The following GALNT5 variants were observed in gnomAD, a reference collection of about 807,000 sequenced individuals.
The protein encoded by GALNT5 is UDP-GalNAc:polypeptide N-acetylgalactosaminyltransferase 5.
Under a neutral mutation model 85.4 loss-of-function variants are expected in GALNT5, and 72 were observed. The observed-to-expected ratio is 0.84, with a 90% CI of 0.70 to 1.03. The LOEUF (loss-of-function observed/expected upper bound fraction) is 1.03, where lower values mean the gene tolerates loss of function less well. GALNT5 is among the 50% of genes least tolerant of loss of function. GALNT5 has a pLI of 0.00. For missense variants in GALNT5, 1,137 were observed against 1,135.5 expected, an observed-to-expected ratio of 1.00 and a Z score of -0.02; for synonymous variants, 404 against 397.0, an observed-to-expected ratio of 1.02 and a Z score of -0.21.
Position 157,284,309 on chromosome 2 carries a change from C to A in GALNT5, c.1482C>A (p.Asn494Lys), listed in dbSNP as rs768002617. 1.2e-6 allele frequency: 2 copies of A among 1,613,996 alleles called. No homozygotes were observed. The highest frequency in any genetic ancestry group is 3.3e-5 in the Admixed American group (2 of 60,020). ...GTGCAGAGCAGCTAGTTCACAATAA[C>A]CTCCCAACCACCAGTGTCATCATGT... is the stretch of plus-strand genomic sequence containing the variant. ...AGCAEQLVHN[N>K]LPTTSVIMCF... The change falls in exon 2 of 10, where the codon AAC becomes AAA. Residue 494 changes from asparagine to lysine, a missense_variant. Coordinates refer to ENST00000259056, the MANE Select transcript of GALNT5 (RefSeq NM_014568.3).
intron 8 of GALNT5, among the ~76,000 whole-genome samples, chr2:157,307,414 C>G (rs1401096443): frequency 6.6e-6 from 1 of 152,176 alleles, no homozygotes; most frequent in Non-Finnish European, 1.5e-5. Context: ...TAGTTATTAA[C>G]CTTTAAAGCA....
At chr2:157,298,345 C>T (rs985223406) in intron 5 of GALNT5, among the ~76,000 whole-genome samples, 2 of 152,132 alleles carry the variant, frequency 1.3e-5, no homozygotes, top group Non-Finnish European at 2.9e-5. Flanking sequence ...TTCCCCACAC[C>T]CGAGTAACAA....
chr2:157,281,545 A>G (rs1373692439), intron 1 of GALNT5, among the ~76,000 whole-genome samples: 2 of 152,188 alleles, frequency 1.3e-5, no homozygotes, highest in African/African-American at 2.4e-5. Flanking sequence ...CACAGTAGAG[A>G]AAGCTCCTAT....
In GALNT5 at chr2:157,300,784, G is replaced by A; in HGVS notation, c.2224G>A (p.Glu742Lys). Reference sequence around the variant, plus strand: ...CCCCAAAGACCGGATGAAGACAGTGGAGCGGAACTTGGTGCGGGTTGCCGA... The same window carrying A: ...CCCCAAAGACCGGATGAAGACAGTGAAGCGGAACTTGGTGCGGGTTGCCGA... ...SFPKDRMKTVERNLVRVAEVW... is the reference protein window; with the variant it reads ...SFPKDRMKTVKRNLVRVAEVW... Residue 742 changes from glutamate (E) to lysine (K), a missense_variant, in exon 7 of 10, where the codon GAG (glutamate) becomes AAG (lysine). Transcript: ENST00000259056. 1 of 1,614,088 alleles carries A rather than the reference G, an allele frequency of 6.2e-7. No homozygotes were observed. Among genetic ancestry groups the A allele is most frequent in the Non-Finnish European group, 8.5e-7 (1 of 1,179,978 alleles).
At chr2:157,298,942 C>T (rs1303408609) in intron 5 of GALNT5, 1 of 698 alleles carries the variant, frequency 1.4e-3, no homozygotes, top group Non-Finnish European at 3.9e-3. Context: ...TGACGGAAGA[C>T]CGGAAGACCG....
rs1300509008 is a variant in GALNT5, at chr2:157,295,693, T to G, written c.1772T>G (p.Val591Gly). ...GTGTTGACATTTTTAGATTCTCATG[T>G]GGAATGTAACGTTGGTTGGTTGGAA... Reference protein sequence around the residue: ...GDVLTFLDSHVECNVGWLEPL... With the variant: ...GDVLTFLDSHGECNVGWLEPL... The change falls in exon 4 of 10, where the codon GTG becomes GGG. Residue 591 changes from valine to glycine, a missense_variant. Val to Gly is a moderately radical substitution (Grantham distance 109). Coordinates refer to ENST00000259056, the MANE Select transcript of GALNT5 (RefSeq NM_014568.3). 6.2e-7 allele frequency: 1 copy of G among 1,613,120 alleles called. No homozygotes were observed. The highest frequency in any genetic ancestry group is 1.1e-5 in the South Asian group (1 of 90,976).
rs544602915 is a variant in GALNT5, at chr2:157,315,035, G to C, written c.*3687G>C. On this transcript the variant is annotated 3_prime_UTR_variant, in exon 10 of 10. Transcript: ENST00000259056. ...GGAGGTTGCAGTGAGCTGAAATTGCGCCACTGCACTCCAGCCTAGACAACA... is the reference window on the plus strand; with the variant it reads ...GGAGGTTGCAGTGAGCTGAAATTGCCCCACTGCACTCCAGCCTAGACAACA... 1.3e-5 allele frequency among the ~76,000 whole-genome samples: 2 copies of C among 151,952 alleles called. No homozygotes were observed. Among genetic ancestry groups the C allele is most frequent in the Admixed American group, 1.3e-4 (2 of 15,258 alleles).
At position 157,313,418 on chromosome 2, in the gene GALNT5, G is replaced by C. The variant is rs1231251944; in HGVS notation, c.*2070G>C. ...AAATTGCCTAATGACACATTTCTCA[G>C]AATGTATTTGTGTTATTAAATGATG... On this transcript the variant is annotated 3_prime_UTR_variant, in exon 10 of 10. Coordinates refer to ENST00000259056, the MANE Select transcript of GALNT5 (RefSeq NM_014568.3). 1.3e-5 allele frequency: 2 copies of C among 152,148 alleles called. No individual in the cohort carries two copies. Among genetic ancestry groups the C allele is most frequent in the African/African-American group, 2.4e-5 (1 of 41,432 alleles). 9.4% of individuals were successfully genotyped at this position (152,148 alleles called of 1,614,324 possible). A position where few individuals can be genotyped will look rare whatever the true frequency, so the allele number is the denominator to read the frequency against.
intron 1 of GALNT5, among the ~76,000 whole-genome samples, chr2:157,281,703 A>G (rs1682858078): frequency 6.6e-6 from 1 of 152,234 alleles, no homozygotes. Context: ...TGAGCATTGT[A>G]AGTACTTCTG....
chr2:157,277,410 G>A (rs1347912014), intron 1 of GALNT5, among the ~76,000 whole-genome samples: 1 of 152,130 alleles, frequency 6.6e-6, no homozygotes, highest in African/African-American at 2.4e-5. Context: ...GTCTAATATT[G>A]ACAGTGGGGC....
chr2:157,304,213 C>A (rs1305670799), intron 7 of GALNT5, among the ~76,000 whole-genome samples: 1 of 152,146 alleles, frequency 6.6e-6, no homozygotes, highest in South Asian at 2.1e-4. Context: ...ACTGTGGGGG[C>A]ATTGAATCCT....
In GALNT5 at chr2:157,284,306, T is replaced by C. The variant is rs760026471; in HGVS notation, c.1479T>C (p.Asn493=). 5 of 1,613,968 alleles carry C rather than the reference T, an allele frequency of 3.1e-6. No homozygotes were observed. The highest frequency in any genetic ancestry group is 1.7e-4 in the Middle Eastern group (1 of 6,052). The part of the protein sequence containing the change: ...PAGCAEQLVH[N]NLPTTSVIMC... ...GATGTGCAGAGCAGCTAGTTCACAA[T>C]AACCTCCCAACCACCAGTGTCATCA... The change falls in exon 2 of 10, where the codon AAT becomes AAC. Residue 493 remains asparagine, a synonymous_variant. Coordinates refer to ENST00000259056, the MANE Select transcript of GALNT5 (RefSeq NM_014568.3).
At chr2:157,265,121 G>C (rs1193671945) in intron 1 of GALNT5, among the ~76,000 whole-genome samples, 1 of 152,148 alleles carries the variant, frequency 6.6e-6, no homozygotes, top group Non-Finnish European at 1.5e-5. Context: ...GTGTTCATTT[G>C]TGTGTGCACG....
At chr2:157,293,918 CTGTT>C (rs1300787476) in intron 3 of GALNT5, among the ~76,000 whole-genome samples, 1 of 152,186 alleles carries the variant, frequency 6.6e-6, no homozygotes, top group Non-Finnish European at 1.5e-5. Flanking sequence ...TATCACATTG[CTGTT>C]TGTTAGCTGT....
At chr2:157,287,233 A>C (rs1054371684) in intron 3 of GALNT5, among the ~76,000 whole-genome samples, 1 of 152,172 alleles carries the variant, frequency 6.6e-6, no homozygotes, top group African/African-American at 2.4e-5. Context: ...TGTTTTTCTT[A>C]CAATGTTTTA....
intron 1 of GALNT5, among the ~76,000 whole-genome samples, chr2:157,261,493 G>T (rs1451724173): frequency 3.9e-5 from 6 of 152,208 alleles, no homozygotes; most frequent in Admixed American, 3.9e-4. Context: ...TTGAGAGGAT[G>T]AGTCAGAGAG....
At chr2:157,287,952 G>A (rs1343424115) in intron 3 of GALNT5, among the ~76,000 whole-genome samples, 1 of 152,130 alleles carries the variant, frequency 6.6e-6, no homozygotes, top group East Asian at 1.9e-4. Context: ...AGAATATAGA[G>A]GCACAGTGAG....
chr2:157,269,711 T>G (rs925563961), intron 1 of GALNT5, among the ~76,000 whole-genome samples: 1 of 152,118 alleles, frequency 6.6e-6, no homozygotes, highest in African/African-American at 2.4e-5. Context: ...ACCTCCAATT[T>G]TAGACTGTCT....
chr2:157,258,298 A>C lies in GALNT5; in HGVS notation c.216A>C (p.Lys72Asn). 6 of 1,598,806 alleles carry C rather than the reference A, an allele frequency of 3.8e-6. No individual in the cohort carries two copies. Among genetic ancestry groups the C allele is most frequent in the Non-Finnish European group, 5.1e-6 (6 of 1,174,188 alleles). The change falls in exon 1 of 10, where the codon AAA (lysine) becomes AAC (asparagine). Residue 72 changes from lysine (K) to asparagine (N), a missense_variant. Transcript: ENST00000259056. The stretch of plus-strand genomic sequence containing the variant: ...GAAAAATTTTTTACAGCAGCATAAA[A>C]GAGATGAAACCTCCCCTAAGGGGAC... The part of the protein sequence containing the change: ...DQGKIFYSSI[K>N]EMKPPLRGHG...
Sources: gnomAD v4.1 joint callset for allele counts (sites outside exome capture counted in the v4.1 genomes callset) on GRCh38, gnomAD v4.1.1 for gene constraint, MANE v1.5 for transcripts, NCBI Gene and HGNC (gene_info 2026-07-23, HGNC 2026-07-21) for gene names.